The following EFTUD2 variants were observed in gnomAD, a reference collection of about 807,000 sequenced individuals.
EFTUD2 encodes elongation factor Tu GTP binding domain containing 2, also known as 116 kDa U5 small nuclear ribonucleoprotein component.
EFTUD2 carries 9 observed loss-of-function variants against 114.3 expected under a neutral mutation model. The ratio of observed to expected loss-of-function variants is 0.08; its 90% confidence interval spans 0.05 to 0.14. EFTUD2 has a LOEUF of 0.14. Ranked by LOEUF, EFTUD2 falls within the 10% of genes least tolerant of loss-of-function variation. The pLI is 1.00. For missense variants in EFTUD2, 765 were observed against 1,241.2 expected (o/e 0.62, Z 5.76); for synonymous variants, 449 against 462.3 (o/e 0.97, Z 0.37).
At chr17:44,860,111 TGAGAA>T (rs1443656323) in intron 17 of EFTUD2, 66 bp from the exon 18 acceptor site, 3 of 1,609,124 alleles carry the variant, frequency 1.9e-6, no homozygotes, top group Middle Eastern at 1.7e-4. Context: ...TGCAGAGGTA[TGAGAA>T]GAGAAGAGGA....
intron 10 of EFTUD2, chr17:44,875,619 G>A: frequency 5.4e-6 from 1 of 186,334 alleles, no homozygotes; most frequent in Non-Finnish European, 1.1e-5. Flanking sequence ...ACTGAGGTGG[G>A]AGGATTGCTT....
At chr17:44,889,793 C>T (rs2051245172) in intron 2 of EFTUD2, among the ~76,000 whole-genome samples, 1 of 152,132 alleles carries the variant, frequency 6.6e-6, no homozygotes. Flanking sequence ...CTTTTGGCAG[C>T]CACATATATC....
intron 2 of EFTUD2, among the ~76,000 whole-genome samples, chr17:44,888,856 T>C (rs986390153): frequency 4.6e-5 from 7 of 152,114 alleles, no homozygotes; most frequent in African/African-American, 1.7e-4. Flanking sequence ...TAAGTAGAGA[T>C]GCCATGTAGG....
rs1031577242 is a variant in EFTUD2 at position 44,856,954 on chromosome 17, C to G, written c.2045+121G>C. 6 of 766,062 alleles carry G rather than the reference C, an allele frequency of 7.8e-6. No individual in the cohort carries two copies. In the East Asian group the frequency reaches 1.6e-4, roughly 20 times the overall value. The allele number at this position is 766,062 out of a possible 1,614,324, so 47.5% of individuals were successfully genotyped here. A position where few individuals can be genotyped will look rare whatever the true frequency, so the allele number is the denominator to read the frequency against. On this transcript the variant is annotated intron_variant, in intron 20 of 27. Transcript: ENST00000426333. ...GAAACTCAAGTATTGTAAGCACCCC[C>G]TATTCTGAGCTGTAGAGGTCTCTAT...
In EFTUD2 at chr17:44,863,752, G is replaced by C. The variant is rs764522805; in HGVS notation, c.1316C>G (p.Pro439Arg). The change falls in exon 15 of 28, where the codon CCT (proline) becomes CGT (arginine). Residue 439 changes from proline to arginine, a missense_variant. This residue lies in a region of EFTUD2 where 59 missense variants were observed against 50.1 expected (regional missense o/e 1.18). Transcript: ENST00000426333. ...GFVDMCVQHI[P>R]SPKVGAKPKI... The stretch of plus-strand genomic sequence containing the variant: ...GGGCTTGGCGCCCACCTTTGGAGAA[G>C]GGATATGCTGCACACACATGTCCAC... 5.0e-6 allele frequency: 8 copies of C among 1,614,164 alleles called. No individual in the cohort carries two copies. Among genetic ancestry groups the C allele is most frequent in the Non-Finnish European group, 6.8e-6 (8 of 1,179,992 alleles).
At chr17:44,860,154 C>A in intron 17 of EFTUD2, 109 bp from the exon 18 acceptor site, 1 of 1,499,360 alleles carries the variant, frequency 6.7e-7, no homozygotes, top group Non-Finnish European at 9.2e-7. Context: ...TATGTATTCC[C>A]CAACCAGGAG....
intron 16 of EFTUD2, among the ~76,000 whole-genome samples, chr17:44,861,243 G>C (rs957596030): frequency 6.6e-6 from 1 of 151,816 alleles, no homozygotes; most frequent in African/African-American, 2.4e-5. Context: ...TCAGGAGTTT[G>C]AGACCAGCCT....
At chr17:44,873,535 T>C (rs1038687210) in intron 10 of EFTUD2, among the ~76,000 whole-genome samples, 5 of 151,826 alleles carry the variant, frequency 3.3e-5, no homozygotes, top group Admixed American at 2.6e-4. Context: ...TTTGTAGAGA[T>C]GAGATACAAA....
At chr17:44,881,051 A>T (rs572503455) in intron 7 of EFTUD2, among the ~76,000 whole-genome samples, 21 of 152,234 alleles carry the variant, frequency 1.4e-4, no homozygotes, top group Middle Eastern at 3.4e-3. Context: ...CATTTTTTTT[A>T]AAACTCCAAA....
At chr17:44,853,739 T>C in intron 23 of EFTUD2, 104 bp from the exon 24 acceptor site, 2 of 1,554,148 alleles carry the variant, frequency 1.3e-6, no homozygotes, top group South Asian at 1.2e-5. Flanking sequence ...CTTGCAGTCA[T>C]GAAAGACATG....
intron 6 of EFTUD2, among the ~76,000 whole-genome samples, chr17:44,882,182 G>A (rs2051083939): frequency 6.6e-6 from 1 of 150,954 alleles, no homozygotes; most frequent in African/African-American, 2.4e-5. Flanking sequence ...GATCCCCCCG[G>A]CTCAGCCTCC....
At chr17:44,864,073 G>T in intron 14 of EFTUD2, 1 of 252,328 alleles carries the variant, frequency 4.0e-6, no homozygotes, top group Non-Finnish European at 7.7e-6. Flanking sequence ...AACTTTTATT[G>T]GCTATACGCA....
At chr17:44,897,632 T>A (rs2051414324) in intron 1 of EFTUD2, among the ~76,000 whole-genome samples, 1 of 152,188 alleles carries the variant, frequency 6.6e-6, no homozygotes. Flanking sequence ...TGGCACGATC[T>A]CGACTCACTG....
chr17:44,869,931 C>G (rs1042968866), intron 11 of EFTUD2, among the ~76,000 whole-genome samples: 1 of 152,168 alleles, frequency 6.6e-6, no homozygotes, highest in Non-Finnish European at 1.5e-5. Context: ...GTTCATGATG[C>G]CTTATTGTAT....
At chr17:44,877,203 GA>G (rs879579066) in intron 9 of EFTUD2, among the ~76,000 whole-genome samples, 67 of 142,454 alleles carry the variant, frequency 4.7e-4, no homozygotes, top group African/African-American at 4.1e-4. Context: ...CTCTTTGAAG[GA>G]AAAAAAAAAA....
intron 9 of EFTUD2, among the ~76,000 whole-genome samples, chr17:44,876,707 G>C (rs1269466986): frequency 1.3e-5 from 2 of 151,954 alleles, no homozygotes; most frequent in African/African-American, 2.4e-5. Flanking sequence ...AAAAAGATGA[G>C]CTGGGCGTGG....
rs1235249865 is a variant in EFTUD2, at chr17:44,886,673, C to T, written c.183G>A (p.Glu61=). 2 of 1,614,142 alleles carry T rather than the reference C, an allele frequency of 1.2e-6. No homozygotes were observed. The highest frequency in any genetic ancestry group is 1.7e-6 in the Non-Finnish European group (2 of 1,180,030). ...CGGCTGTTGGGTAGTACTTCTTGTC[C>T]TCATGCAGCACCACCTCCATCCCAG... ...DHPGMEVVLH[E]DKKYYPTAEE... is the part of the protein sequence containing the mutation. Residue 61 remains glutamate, a synonymous_variant, in exon 3 of 28, where the codon GAG becomes GAA. Coordinates refer to ENST00000426333, the MANE Select transcript of EFTUD2 (RefSeq NM_004247.4).
At chr17:44,868,543 C>G in intron 11 of EFTUD2, 193 bp from the exon 12 acceptor site, 1 of 555,988 alleles carries the variant, frequency 1.8e-6, no homozygotes, top group Non-Finnish European at 3.2e-6. Context: ...CCAAAGTTGA[C>G]AAGGCTGTGC....
intron 26 of EFTUD2, 80 bp downstream of exon 26, chr17:44,852,329 T>G: frequency 2.5e-6 from 4 of 1,573,098 alleles, no homozygotes; most frequent in Non-Finnish European, 3.5e-6. Context: ...CACTTAGGGC[T>G]TGGAGAGGGA....
Sources: allele counts gnomAD v4.1 joint callset (sites outside exome capture counted in the v4.1 genomes callset), GRCh38; gene constraint gnomAD v4.1.1; regional missense constraint gnomAD v4.1.1; transcripts MANE v1.5; gene names NCBI Gene and HGNC (gene_info 2026-07-23, HGNC 2026-07-21).